The following CFAP20DC variants were observed in gnomAD, a reference collection of about 807,000 sequenced individuals.
The protein encoded by CFAP20DC is protein CFAP20DC.
Under a neutral mutation model 101.7 loss-of-function variants are expected in CFAP20DC, and 84 were observed. That is an observed-to-expected ratio of 0.83 (90% CI 0.69 to 0.99). The LOEUF (loss-of-function observed/expected upper bound fraction) is 0.99. CFAP20DC is among the 50% of genes least tolerant of loss of function. The probability of loss-of-function intolerance (pLI) is 0.00; values close to 1 mark genes in which losing one functional copy is unlikely to be tolerated. For synonymous variants in CFAP20DC, 359 were observed against 351.2 expected (o/e 1.02, Z -0.25); for missense variants, 1,007 against 970.3 (o/e 1.04, Z -0.50).
rs754250308 is a variant in CFAP20DC at position 58,899,532 on chromosome 3, C to T, written c.550+14176G>A. ...CCTGGGGGTGGAGTATGCAAAACTC[C>T]TGGGTCTCTGTGTGTGCCTGAGTGG... On this transcript the variant is annotated intron_variant, in intron 6 of 16. Transcript: ENST00000482387. This position sits in a 1 kb window ranked among gnomAD's most constrained non-coding sequence, Gnocchi z 5.0. 6.9e-4 allele frequency among the ~76,000 whole-genome samples: 105 copies of T among 152,192 alleles called. 2 individuals are homozygous for T. Among genetic ancestry groups the T allele is most frequent in the Non-Finnish European group, 9.7e-4 (66 of 68,036 alleles).
intron 13 of CFAP20DC, among the ~76,000 whole-genome samples, chr3:58,836,289 T>A (rs1309066243): frequency 6.6e-6 from 1 of 152,198 alleles, no homozygotes; most frequent in African/African-American, 2.4e-5. Flanking sequence ...AGGTCCTTGA[T>A]AATGATTAAA....
At position 58,799,680 on chromosome 3, in the gene CFAP20DC, G is replaced by A. The variant is rs2073525210; in HGVS notation, c.2237+6715C>T. Among the ~76,000 whole-genome samples, 1 of 151,846 alleles carries A rather than the reference G, an allele frequency of 6.6e-6. No individual in the cohort carries two copies. Among genetic ancestry groups the A allele is most frequent in the East Asian group, 1.9e-4 (1 of 5,182 alleles). On this transcript the variant is annotated intron_variant, in intron 15 of 16. Transcript: ENST00000482387. The surrounding 1 kb of genome is among the most constrained non-coding windows in gnomAD (Gnocchi z 4.9). ...GAGATAAGGTTTTCACATGCATGCAGTTTACATTCCAGCATTCGAGAAGGA... is the reference window on the plus strand; with the variant it reads ...GAGATAAGGTTTTCACATGCATGCAATTTACATTCCAGCATTCGAGAAGGA...
chr3:59,043,191 G>A, intron 3 of CFAP20DC, among the ~76,000 whole-genome samples: 1 of 152,070 alleles, frequency 6.6e-6, no homozygotes, highest in South Asian at 2.1e-4. Flanking sequence ...GATAACCAAG[G>A]GAGTAAGTGT....
intron 14 of CFAP20DC, among the ~76,000 whole-genome samples, chr3:58,811,818 C>G (rs1363635305): frequency 1.4e-5 from 2 of 145,782 alleles, no homozygotes; most frequent in African/African-American, 2.5e-5. Context: ...TGACAAAGGG[C>G]TAATATCCAG....
rs1032795534 is a variant in CFAP20DC, at chr3:58,845,781, C to T, written c.1971+3251G>A. 2.7e-5 allele frequency among the ~76,000 whole-genome samples: 4 copies of T among 149,782 alleles called. No homozygotes were observed. The South Asian group carries it at 6.4e-4, about 24-fold the overall frequency. On this transcript the variant is annotated intron_variant, in intron 13 of 16. Coordinates refer to ENST00000482387, the MANE Select transcript of CFAP20DC (RefSeq NM_001394063.1). The stretch of plus-strand genomic sequence containing the variant: ...AATCCTCAATAAAATACTGGCAAAA[C>T]GAATCCAGCAGCACATCAAAAAGCT...
At chr3:58,771,983 T>G (rs755925054) in intron 15 of CFAP20DC, among the ~76,000 whole-genome samples, 2 of 152,202 alleles carry the variant, frequency 1.3e-5, no homozygotes, top group Non-Finnish European at 2.9e-5. Flanking sequence ...AAAATTTGCG[T>G]GCTTTTCTCC....
chr3:58,907,733 T>C (rs975844314), intron 6 of CFAP20DC, among the ~76,000 whole-genome samples: 5 of 152,194 alleles, frequency 3.3e-5, no homozygotes, highest in Non-Finnish European at 5.9e-5. Context: ...ACTGGAAATA[T>C]GATAATAGCA....
At chr3:58,932,129 G>A (rs939227740) in intron 5 of CFAP20DC, among the ~76,000 whole-genome samples, 3 of 152,236 alleles carry the variant, frequency 2.0e-5, no homozygotes, top group African/African-American at 4.8e-5. Context: ...GAAGAATGCA[G>A]AAGCCTCAGG....
In CFAP20DC at chr3:58,899,426, A is replaced by AG. The variant is rs1054155873; in HGVS notation, c.550+14281dup. 2.6e-5 allele frequency among the ~76,000 whole-genome samples: 4 copies of AG among 152,186 alleles called. No individual in the cohort carries two copies. The highest frequency in any genetic ancestry group is 9.7e-5 in the African/African-American group (4 of 41,440). On this transcript the variant is annotated intron_variant, in intron 6 of 16. Coordinates refer to ENST00000482387, the MANE Select transcript of CFAP20DC (RefSeq NM_001394063.1). This position sits in a 1 kb window ranked among gnomAD's most constrained non-coding sequence, Gnocchi z 5.0. The stretch of plus-strand genomic sequence containing the variant: ...GTCTTAATTTGTGAGACACTGTGGA[A>AG]GGGGGGCCTGCAGAACATGCTGCTT...
intron 15 of CFAP20DC, among the ~76,000 whole-genome samples, chr3:58,791,924 T>G (rs2072891106): frequency 2.0e-5 from 3 of 152,190 alleles, no homozygotes; most frequent in African/African-American, 7.2e-5. Flanking sequence ...TAGAATTAGT[T>G]GGGTTAGTTG....
At chr3:59,036,455 A>G (rs192710549) in intron 4 of CFAP20DC, among the ~76,000 whole-genome samples, 2 of 152,340 alleles carry the variant, frequency 1.3e-5, no homozygotes, top group African/African-American at 4.8e-5. Flanking sequence ...GTCTCAGGAT[A>G]CAAAATCAAT....
chr3:58,959,018 C>A (rs1259800859), intron 4 of CFAP20DC, among the ~76,000 whole-genome samples: 1 of 152,114 alleles, frequency 6.6e-6, no homozygotes, highest in Non-Finnish European at 1.5e-5. Flanking sequence ...TATCTACAAA[C>A]CCCTTCACTA....
intron 5 of CFAP20DC, among the ~76,000 whole-genome samples, chr3:58,931,208 G>A (rs576487861): frequency 3.2e-4 from 48 of 152,232 alleles, no homozygotes; most frequent in South Asian, 1.2e-3. Flanking sequence ...AGGTGGAAGC[G>A]AGGCTGGGGG....
At chr3:58,835,713 G>C (rs2076692140) in intron 13 of CFAP20DC, among the ~76,000 whole-genome samples, 1 of 152,168 alleles carries the variant, frequency 6.6e-6, no homozygotes, top group Non-Finnish European at 1.5e-5. Flanking sequence ...GATGGAGTCA[G>C]GTAATTAACT....
chr3:58,987,804 T>C (rs1434019654), intron 4 of CFAP20DC, among the ~76,000 whole-genome samples: 1 of 151,928 alleles, frequency 6.6e-6, no homozygotes, highest in East Asian at 1.9e-4. Flanking sequence ...TAAAAATACC[T>C]ATAACCATTA....
At chr3:58,716,209 C>T (rs2067396728), downstream of CFAP20DC, among the ~76,000 whole-genome samples, 1 of 122,686 alleles carries the variant, frequency 8.2e-6, no homozygotes, top group Middle Eastern at 7.6e-3. Context: ...GGCGGGACTG[C>T]GGACTGCAGT....
chr3:58,750,605 G>C (rs557051816), intron 16 of CFAP20DC, among the ~76,000 whole-genome samples: 2 of 152,316 alleles, frequency 1.3e-5, no homozygotes, highest in African/African-American at 4.8e-5. Context: ...GCAATGATGT[G>C]GGGGAAGCCT....
At chr3:58,823,222 G>A (rs569958305) in intron 14 of CFAP20DC, among the ~76,000 whole-genome samples, 1 of 152,154 alleles carries the variant, frequency 6.6e-6, no homozygotes, top group East Asian at 1.9e-4. Context: ...AGGCCTTGGC[G>A]ATGAATCCAG....
At chr3:58,805,047 G>A (rs2073960677) in intron 15 of CFAP20DC, among the ~76,000 whole-genome samples, 1 of 152,110 alleles carries the variant, frequency 6.6e-6, no homozygotes, top group African/African-American at 2.4e-5. Context: ...CCACTTACGT[G>A]GTTTCCTGGA....
Sources: allele counts gnomAD v4.1 joint callset (sites outside exome capture counted in the v4.1 genomes callset), GRCh38; gene constraint gnomAD v4.1.1; non-coding constraint Gnocchi (gnomAD v3.1); transcripts MANE v1.5; gene names NCBI Gene and HGNC (gene_info 2026-07-23, HGNC 2026-07-21).